EML4: variants seen among roughly 807,000 people sequenced by gnomAD.
EML4 encodes the protein echinoderm microtubule-associated protein-like 4.
EML4 carries 72 observed loss-of-function variants against 129.0 expected under a neutral mutation model. That is an observed-to-expected ratio of 0.56 (90% confidence interval 0.46 to 0.68). EML4 has a LOEUF of 0.68. EML4 is among the 30% of genes least tolerant of loss of function. The probability of loss-of-function intolerance (pLI) is 0.00; values close to 1 mark genes in which losing one functional copy is unlikely to be tolerated. For missense variants in EML4, 1,363 were observed against 1,190.6 expected (o/e 1.14, Z -2.13); for synonymous variants, 532 against 405.0 (o/e 1.31, Z -3.77).
chr2:42,259,021 C>G lies in EML4; in HGVS notation c.339-2100C>G, dbSNP rs938538363. Among the ~76,000 whole-genome samples the G allele has an allele frequency of 2.0e-5, 3 of 152,134 alleles. No individual in the cohort carries two copies. The South Asian group carries it at 6.2e-4, about 32-fold the overall frequency. On this transcript the variant is annotated intron_variant, in intron 3 of 22. Transcript: ENST00000318522. ...CAGCACTTTGGGAGGCTGAGGCAGG[C>G]GAATCAGCTGAGGTCAGGAGTTTGA...
At chr2:42,231,685 C>A (rs921526375) in intron 1 of EML4, among the ~76,000 whole-genome samples, 23 of 152,206 alleles carry the variant, frequency 1.5e-4, no homozygotes, top group African/African-American at 4.8e-4. Context: ...CACTGTGGCT[C>A]ACACCTGTAG....
At chr2:42,279,082 G>A (rs538181243) in intron 6 of EML4, among the ~76,000 whole-genome samples, 46 of 152,276 alleles carry the variant, frequency 3.0e-4, no homozygotes, top group African/African-American at 9.9e-4. Flanking sequence ...TCTTAGCACT[G>A]TCTTGAAAAT....
In EML4 at chr2:42,303,214, C is replaced by G. The variant is rs1286540935; in HGVS notation, c.1752C>G (p.Phe584Leu). The G allele has an allele frequency of 6.2e-7, 1 of 1,614,064 alleles. No homozygotes were observed. The highest frequency in any genetic ancestry group is 2.2e-5 in the East Asian group (1 of 44,868). ...TACGAGGAACATTTAATGATGGCTT[C>G]CAAATAGAAGTACAGGTAAGCTGTG... ...FILRGTFNDG[F>L]QIEVQGHTDE... The change falls in exon 15 of 23, where the codon TTC (phenylalanine) becomes TTG (leucine). Residue 584 changes from phenylalanine to leucine, a missense_variant. By Grantham distance (22) the Phe-to-Leu change is conservative. Transcript: ENST00000318522.
chr2:42,271,921 G>A (rs906315770), intron 6 of EML4, among the ~76,000 whole-genome samples: 1 of 152,040 alleles, frequency 6.6e-6, no homozygotes, highest in Non-Finnish European at 1.5e-5. Context: ...TGGCCAACAT[G>A]GCAAAACCCC....
chr2:42,224,762 G>C (rs1394419186), intron 1 of EML4, among the ~76,000 whole-genome samples: 2 of 152,064 alleles, frequency 1.3e-5, no homozygotes, highest in Middle Eastern at 3.4e-3. Context: ...ATCTCATTAT[G>C]ATTTTTTATT....
At chr2:42,262,814 T>A (rs557855091) in intron 4 of EML4, among the ~76,000 whole-genome samples, 1 of 152,132 alleles carries the variant, frequency 6.6e-6, no homozygotes, top group Non-Finnish European at 1.5e-5. Flanking sequence ...AAAATGAAAA[T>A]GGCAGCCTTA....
chr2:42,205,938 G>C (rs1672514178), intron 1 of EML4, among the ~76,000 whole-genome samples: 1 of 152,030 alleles, frequency 6.6e-6, no homozygotes, highest in Non-Finnish European at 1.5e-5. Flanking sequence ...GCCTGTTTCT[G>C]CTTAGATTTC....
chr2:42,290,358 C>T (rs150525212), intron 11 of EML4, among the ~76,000 whole-genome samples: 12 of 152,078 alleles, frequency 7.9e-5, no homozygotes, highest in African/African-American at 2.9e-4. Context: ...ATTTAAAATT[C>T]AGTAAGGCGA....
intron 3 of EML4, among the ~76,000 whole-genome samples, chr2:42,257,376 C>G (rs753225956): frequency 3.8e-4 from 58 of 152,088 alleles, no homozygotes; most frequent in Non-Finnish European, 2.4e-4. Flanking sequence ...GAGGAAAAAT[C>G]TTAAGTAATA....
chr2:42,180,446 C>T (rs1020095951), intron 1 of EML4, among the ~76,000 whole-genome samples: 2 of 152,182 alleles, frequency 1.3e-5, no homozygotes, highest in African/African-American at 4.8e-5. Context: ...GACTTGCATT[C>T]CATTCCAGAT....
At chr2:42,268,175 A>G (rs1444585977) in intron 6 of EML4, among the ~76,000 whole-genome samples, 1 of 152,244 alleles carries the variant, frequency 6.6e-6, no homozygotes, top group Non-Finnish European at 1.5e-5. Flanking sequence ...CTGCATTCGA[A>G]ATATTAAAGG....
At chr2:42,316,431 T>A (rs1012754995) in intron 18 of EML4, among the ~76,000 whole-genome samples, 1 of 152,226 alleles carries the variant, frequency 6.6e-6, no homozygotes, top group Non-Finnish European at 1.5e-5. Flanking sequence ...TACAGCGAAA[T>A]TCAAAATACG....
In EML4 at chr2:42,211,438, A is replaced by G. The variant is rs140597772; in HGVS notation, c.26-34067A>G. On this transcript the variant is annotated intron_variant, in intron 1 of 22. Coordinates refer to ENST00000318522, the MANE Select transcript of EML4 (RefSeq NM_019063.5). ...ATCAGAGACTGATTGAACATTATCTACAGAACAATGAATGAGGAAATTGGC... is the reference window on the plus strand; with the variant it reads ...ATCAGAGACTGATTGAACATTATCTGCAGAACAATGAATGAGGAAATTGGC... 2.5e-3 allele frequency among the ~76,000 whole-genome samples: 381 copies of G among 152,326 alleles called. 1 individual carries two copies. The highest frequency in any genetic ancestry group is 4.8e-3 in the South Asian group (23 of 4,830).
intron 1 of EML4, among the ~76,000 whole-genome samples, chr2:42,193,651 A>G (rs1258705413): frequency 6.7e-6 from 1 of 150,338 alleles, no homozygotes; most frequent in African/African-American, 2.4e-5. Flanking sequence ...CACTTTTGTC[A>G]TCTATCTATT....
chr2:42,244,504 C>G (rs1304600358), intron 1 of EML4, among the ~76,000 whole-genome samples: 1 of 152,182 alleles, frequency 6.6e-6, no homozygotes, highest in Non-Finnish European at 1.5e-5. Flanking sequence ...TGTGGTATAG[C>G]TAAGCCTTAT....
chr2:42,266,581 C>G (rs1409949318), intron 6 of EML4, among the ~76,000 whole-genome samples: 9 of 152,096 alleles, frequency 5.9e-5, no homozygotes, highest in African/African-American at 2.2e-4. Flanking sequence ...TGGGCTCAAG[C>G]AGTCCTCCTG....
intron 2 of EML4, among the ~76,000 whole-genome samples, chr2:42,247,461 A>C (rs924292095): frequency 2.0e-5 from 3 of 151,730 alleles, no homozygotes; most frequent in Non-Finnish European, 4.4e-5. Flanking sequence ...TGTGATTCCC[A>C]CTCTTTTCCC....
At chr2:42,329,043 G>A in intron 22 of EML4, 27 bp downstream of exon 22, 1 of 1,599,156 alleles carries the variant, frequency 6.3e-7, no homozygotes, top group Non-Finnish European at 8.5e-7. Flanking sequence ...AGAAACTAAT[G>A]TTATAAGGCC....
chr2:42,289,876 C>G (rs560262871), intron 11 of EML4: 1 of 145,512 alleles, frequency 6.9e-6, no homozygotes, highest in Non-Finnish European at 1.5e-5. Flanking sequence ...AAGACCACCC[C>G]GGCCAACATC....
Sources: gnomAD v4.1 joint callset for allele counts (sites outside exome capture counted in the v4.1 genomes callset) on GRCh38, gnomAD v4.1.1 for gene constraint, MANE v1.5 for transcripts, NCBI Gene and HGNC (gene_info 2026-07-23, HGNC 2026-07-21) for gene names.